The following UBR4 variants were observed in gnomAD, a reference collection of about 807,000 sequenced individuals.
UBR4 encodes the protein E3 ubiquitin-protein ligase UBR4.
Under a neutral mutation model 575.6 loss-of-function variants are expected in UBR4, and 124 were observed. The observed-to-expected ratio is 0.22, with a 90% confidence interval of 0.19 to 0.25. The LOEUF (loss-of-function observed/expected upper bound fraction) is 0.25, where lower values mean the gene tolerates loss of function less well. Ranked by LOEUF, UBR4 falls within the 10% of genes least tolerant of loss-of-function variation. The pLI, the probability that UBR4 is intolerant of heterozygous loss-of-function variation, is 1.00. For missense variants in UBR4, 4,818 were observed against 6,478.8 expected (o/e 0.74, Z 8.80); for synonymous variants, 2,455 against 2,473.7 (o/e 0.99, Z 0.22).
rs2084616392 is a variant in UBR4 at position 19,144,795 on chromosome 1, G to A, written c.8058C>T (p.Leu2686=). Residue 2686 remains leucine, a synonymous_variant, in exon 54 of 106, where the codon CTC becomes CTT. Coordinates refer to ENST00000375254, the MANE Select transcript of UBR4 (RefSeq NM_020765.3). The part of the protein sequence containing the change: ...NTASKIYMQM[L]LCPDPAVSFS... ...TTGTAATGCTACGTACAGGACACAA[G>A]AGCATCTGCATGTAGATCTTGGATG... 3 of 1,614,088 alleles carry A rather than the reference G, an allele frequency of 1.9e-6. No individual in the cohort carries two copies. Among genetic ancestry groups the A allele is most frequent in the East Asian group, 2.2e-5 (1 of 44,874 alleles).
In UBR4 at chr1:19,105,824, T is replaced by C. The variant is rs1342925405; in HGVS notation, c.12412A>G (p.Thr4138Ala). The C allele has an allele frequency of 6.2e-7, 1 of 1,603,210 alleles. No homozygotes were observed. The highest frequency in any genetic ancestry group is 8.5e-7 in the Non-Finnish European group (1 of 1,176,550). The part of the protein sequence containing the change: ...WLRQVLFTPA[T>A]QAARQAACTI... ...CAGGCTGCCTGCCGTGCGGCCTGCG[T>C]TGCTGGAGTGAAAAGCACCTGCAGG... Residue 4138 changes from threonine (T) to alanine (A), a missense_variant, in exon 84 of 106, where the codon ACG becomes GCG. Around this residue, in one of 29 missense-constraint regions of UBR4, gnomAD observed 178 missense variants for 175.5 expected, o/e 1.01. Coordinates refer to ENST00000375254, the MANE Select transcript of UBR4 (RefSeq NM_020765.3).
chr1:19,198,107 C>T, intron 5 of UBR4, 58 bp from the exon 6 acceptor site: 1 of 1,526,050 alleles, frequency 6.6e-7, no homozygotes, highest in Non-Finnish European at 9.0e-7. Context: ...AACCAACTGT[C>T]AAAAGTGAGC....
In UBR4 at chr1:19,117,356, ACAACCTG is replaced by A; in HGVS notation, c.10681_10687del (p.Gln3561Ter). 1 of 1,614,160 alleles carries A rather than the reference ACAACCTG, an allele frequency of 6.2e-7. No individual in the cohort carries two copies. The highest frequency in any genetic ancestry group is 8.5e-7 in the Non-Finnish European group (1 of 1,180,024). On this transcript the variant is annotated frameshift_variant, in exon 73 of 106. Transcript: ENST00000375254. LOFTEE classifies it high-confidence loss of function. The surrounding 1 kb of genome is among the most constrained non-coding windows in gnomAD (Gnocchi z 4.0). ...GATGGTGTGACTGCCAATGAGCTTC[ACAACCTG>A]CTGGGTGGTGGTGTACCGCGTGTCC...
Position 19,100,647 on chromosome 1 carries a change from T to G in UBR4, c.13024-74A>C. On this transcript the variant is annotated intron_variant, in intron 88 of 105. Transcript: ENST00000375254. This position sits in a 1 kb window ranked among gnomAD's most constrained non-coding sequence, Gnocchi z 4.2. ...ATTTATACCATGCTACCTTGTTCCA[T>G]GGACACTCGAGGAAAACACACCAAA... 6.8e-7 allele frequency: 1 copy of G among 1,461,782 alleles called. No homozygotes were observed. The highest frequency in any genetic ancestry group is 1.2e-5 in the South Asian group (1 of 85,944). The allele number at this position is 1,461,782 out of a possible 1,614,324, so 90.6% of individuals were successfully genotyped here.
intron 94 of UBR4, 146 bp downstream of exon 94, chr1:19,094,759 AT>A (rs1314871605): frequency 1.5e-5 from 16 of 1,081,484 alleles, no homozygotes; most frequent in Non-Finnish European, 2.1e-5. Flanking sequence ...CAATTATGTC[AT>A]CATTAGTTGA....
At chr1:19,142,525 G>A (rs2084068074) in intron 55 of UBR4, among the ~76,000 whole-genome samples, 1 of 152,182 alleles carries the variant, frequency 6.6e-6, no homozygotes, top group African/African-American at 2.4e-5. Flanking sequence ...CAAAAGCTTA[G>A]GCAAGATAAA....
chr1:19,206,008 T>A (rs1249048220), intron 1 of UBR4, among the ~76,000 whole-genome samples: 2 of 152,244 alleles, frequency 1.3e-5, no homozygotes, highest in Non-Finnish European at 2.9e-5. Flanking sequence ...AGGAATTATC[T>A]GTACCTTAAC....
In UBR4 at chr1:19,119,660, A is replaced by T. The variant is rs770849629; in HGVS notation, c.10352T>A (p.Met3451Lys). 1 of 1,613,850 alleles carries T rather than the reference A, an allele frequency of 6.2e-7. No homozygotes were observed. The highest frequency in any genetic ancestry group is 8.5e-7 in the Non-Finnish European group (1 of 1,179,720). ...TGGGAGTTCTGGCCAGATGGACCAC[A>T]TCAGATCTAGCAGGAGCTCCTGTTG... ...KSQQELLLDL[M>K]WSIWPELPAY... The change falls in exon 70 of 106, where the codon ATG becomes AAG. Residue 3451 changes from methionine (M) to lysine (K), a missense_variant. Physicochemically the swap from Met to Lys is moderately conservative, Grantham distance 95. Transcript: ENST00000375254.
intron 101 of UBR4, among the ~76,000 whole-genome samples, chr1:19,085,689 A>C (rs2076943408): frequency 6.6e-6 from 1 of 152,150 alleles, no homozygotes; most frequent in Admixed American, 6.5e-5. Flanking sequence ...CAGATGCTTT[A>C]GCTATTCTTA....
rs1348327960 is a variant in UBR4, at chr1:19,164,849, C to T, written c.4461G>A (p.Glu1487=). ...TCAGTAACTGCAGCAGCTGCCGGTT[C>T]TCCTGAATTACATCCAGCTGATCAG... ...KDSDQLDVIQ[E]NRQLLQLLTT... Residue 1487 remains glutamate (E), a synonymous_variant, in exon 32 of 106, where the codon GAG becomes GAA. Transcript: ENST00000375254. The T allele has an allele frequency of 1.9e-6, 3 of 1,614,196 alleles. No individual in the cohort carries two copies. Among genetic ancestry groups the T allele is most frequent in the Middle Eastern group, 1.6e-4 (1 of 6,062 alleles).
In UBR4 at chr1:19,156,427, G is replaced by A. The variant is rs771817132; in HGVS notation, c.5920-4C>T. 6.8e-6 allele frequency: 11 copies of A among 1,611,228 alleles called. No homozygotes were observed. The highest frequency in any genetic ancestry group is 2.2e-5 in the South Asian group (2 of 90,436). Reference sequence around the variant, plus strand: ...TAAAGGTGAGCACATGACAGTCCTGGACAATGTTTAAGAAACAAAATGGTG... The same window carrying A: ...TAAAGGTGAGCACATGACAGTCCTGAACAATGTTTAAGAAACAAAATGGTG... On this transcript the variant is annotated splice_region_variant and splice_polypyrimidine_tract_variant and intron_variant, in intron 41 of 105. Coordinates refer to ENST00000375254, the MANE Select transcript of UBR4 (RefSeq NM_020765.3).
chr1:19,172,821 G>C, intron 25 of UBR4, 43 bp downstream of exon 25: 1 of 1,579,952 alleles, frequency 6.3e-7, no homozygotes, highest in Non-Finnish European at 8.7e-7. Context: ...TCTGCACGGA[G>C]TGAAGAGTGC....
intron 31 of UBR4, 52 bp from the exon 32 acceptor site, chr1:19,165,049 AAAG>A: frequency 1.9e-6 from 3 of 1,599,246 alleles, no homozygotes; most frequent in Non-Finnish European, 2.6e-6. Context: ...AGAGGAAGAG[AAAG>A]AAGGGGCAAA....
Position 19,150,594 on chromosome 1 carries a change from A to G in UBR4, c.7413T>C (p.Ser2471=). ...ACTGGTACCTCTCCAGGACAGTTCC[A>G]CTGGTCGTAGTGGGGGCAGCTGAGT... The part of the protein sequence containing the change: ...DSDSAAPTTT[S]GTVLERLVVS... The change falls in exon 49 of 106, where the codon AGT becomes AGC. Residue 2471 remains serine, a synonymous_variant. Transcript: ENST00000375254. 1 of 1,613,374 alleles carries G rather than the reference A, an allele frequency of 6.2e-7. No individual in the cohort carries two copies. The highest frequency in any genetic ancestry group is 8.5e-7 in the Non-Finnish European group (1 of 1,180,022).
chr1:19,126,434 G>A lies in UBR4; in HGVS notation c.9438+12C>T. 3.1e-6 allele frequency: 5 copies of A among 1,614,116 alleles called. No individual in the cohort carries two copies. Among genetic ancestry groups the A allele is most frequent in the Non-Finnish European group, 4.2e-6 (5 of 1,179,948 alleles). ...AAGGACGAGTGTTTCTTTGATGAGGGAAAGATCTCACCTTCACATACTGGC... is the reference window on the plus strand; with the variant it reads ...AAGGACGAGTGTTTCTTTGATGAGGAAAAGATCTCACCTTCACATACTGGC... On this transcript the variant is annotated intron_variant, in intron 64 of 105. Transcript: ENST00000375254.
At chr1:19,129,201 T>A in intron 60 of UBR4, 127 bp from the exon 61 acceptor site, 2 of 690,818 alleles carry the variant, frequency 2.9e-6, no homozygotes, top group South Asian at 2.1e-5. Flanking sequence ...AGGAACAATC[T>A]CCAGCATTAA....
chr1:19,075,071 CG>C (rs1221859957), intron 105 of UBR4, 175 bp from the exon 106 acceptor site: 1 of 662,312 alleles, frequency 1.5e-6, no homozygotes, highest in Non-Finnish European at 2.7e-6. Context: ...AACCCTGTTC[CG>C]CAGGAGGAGT....
At chr1:19,169,290 A>G (rs1188221960) in intron 27 of UBR4, 145 bp downstream of exon 27, 4 of 588,900 alleles carry the variant, frequency 6.8e-6, no homozygotes, top group Non-Finnish European at 1.1e-5. Flanking sequence ...AAATGCATTG[A>G]TTAATGATTC....
chr1:19,196,087 G>A (rs1182190281), intron 8 of UBR4, among the ~76,000 whole-genome samples: 1 of 151,374 alleles, frequency 6.6e-6, no homozygotes, highest in Non-Finnish European at 1.5e-5. Context: ...CCTAGAAATA[G>A]CCAAGCCGAG....
Sources: allele counts gnomAD v4.1 joint callset (sites outside exome capture counted in the v4.1 genomes callset), GRCh38; gene constraint gnomAD v4.1.1; regional missense constraint gnomAD v4.1.1; non-coding constraint Gnocchi (gnomAD v3.1); transcripts MANE v1.5; gene names NCBI Gene and HGNC (gene_info 2026-07-23, HGNC 2026-07-21).